Variants in DNAH6 observed in about 807,000 individuals in gnomAD.
The protein encoded by DNAH6 is dynein axonemal heavy chain 6.
A neutral mutation model predicts 491.4 loss-of-function variants in DNAH6; 340 were observed. That is an observed-to-expected ratio of 0.69 (90% CI 0.63 to 0.76). The LOEUF is 0.76. Ranked by LOEUF, DNAH6 falls within the 30% of genes least tolerant of loss-of-function variation. The probability of loss-of-function intolerance (pLI) is 0.00; values close to 1 mark genes in which losing one functional copy is unlikely to be tolerated. For synonymous variants in DNAH6, 1,603 were observed against 1,686.1 expected, an observed-to-expected ratio of 0.95 and a Z score of 1.21; for missense variants, 4,443 against 4,972.2, an observed-to-expected ratio of 0.89 and a Z score of 3.20.
chr2:84,676,770 G>A (rs1693268924), intron 40 of DNAH6, among the ~76,000 whole-genome samples: 1 of 152,200 alleles, frequency 6.6e-6, no homozygotes, highest in East Asian at 1.9e-4. Context: ...CAAAGTAGAT[G>A]AATTAGCTGA....
Position 84,611,736 on chromosome 2 carries a change from C to T in DNAH6, c.3357C>T (p.Asp1119=). The T allele has an allele frequency of 6.4e-7, 1 of 1,551,166 alleles. No homozygotes were observed. The highest frequency in any genetic ancestry group is 1.2e-5 in the South Asian group (1 of 84,022). Residue 1119 remains aspartate, a synonymous_variant, in exon 22 of 77, where the codon GAC becomes GAT. Coordinates refer to ENST00000389394, the MANE Select transcript of DNAH6 (RefSeq NM_001370.2). ...TAGAAAGTATTTTCAATGCTCCAGA[C>T]ATTCAGAGGCAATTGCCTGCAGAGG... ...LYLESIFNAP[D]IQRQLPAEAK...
At chr2:84,714,049 G>T (rs535485862) in intron 57 of DNAH6, among the ~76,000 whole-genome samples, 1 of 152,092 alleles carries the variant, frequency 6.6e-6, no homozygotes, top group African/African-American at 2.4e-5. Flanking sequence ...AAGCTCCCAC[G>T]GGAGTCTCCC....
At position 84,718,203 on chromosome 2, in the gene DNAH6, G is replaced by A. The variant is rs1697737365; in HGVS notation, c.9612-1G>A. On this transcript the variant is annotated splice_acceptor_variant, in intron 58 of 76. Coordinates refer to ENST00000389394, the MANE Select transcript of DNAH6 (RefSeq NM_001370.2). LOFTEE classifies it high-confidence loss of function. ...TTTAGATATCTGAACTTTGGTTTTAGTGATGTGGTGCGACTTGAAAAACCC... is the reference window on the plus strand; with the variant it reads ...TTTAGATATCTGAACTTTGGTTTTAATGATGTGGTGCGACTTGAAAAACCC... The A allele has an allele frequency of 2.0e-6, 3 of 1,515,236 alleles. No individual in the cohort carries two copies. Among genetic ancestry groups the A allele is most frequent in the South Asian group, 2.6e-5 (2 of 77,256 alleles). The allele number at this position is 1,515,236 out of a possible 1,614,324, so 93.9% of individuals were successfully genotyped here.
chr2:84,473,087 G>GT, the DNAH6 span, among the ~76,000 whole-genome samples: 30 of 152,236 alleles, frequency 2.0e-4, no homozygotes, highest in African/African-American at 7.2e-4. Context: ...AGTAAAAAGA[G>GT]TAACGGCCCC....
At chr2:84,479,277 C>T in the DNAH6 span, among the ~76,000 whole-genome samples, 26 of 152,188 alleles carry the variant, frequency 1.7e-4, no homozygotes, top group Non-Finnish European at 1.5e-5. Flanking sequence ...CAGTATTAGA[C>T]TTTTCGGCTT....
At chr2:84,789,849 C>G (rs777584112) in intron 68 of DNAH6, among the ~76,000 whole-genome samples, 13 of 152,072 alleles carry the variant, frequency 8.5e-5, no homozygotes, top group Non-Finnish European at 1.8e-4. Context: ...ATTTGGCTCC[C>G]TCTGACTTCT....
intron 15 of DNAH6, among the ~76,000 whole-genome samples, chr2:84,585,616 G>A (rs1157456473): frequency 6.6e-6 from 1 of 152,092 alleles, no homozygotes; most frequent in Non-Finnish European, 1.5e-5. Flanking sequence ...GGCCTGGAGA[G>A]GGTAGCTCCC....
At chr2:84,511,405 T>C in the DNAH6 span, among the ~76,000 whole-genome samples, 1 of 152,228 alleles carries the variant, frequency 6.6e-6, no homozygotes, top group African/African-American at 2.4e-5. Flanking sequence ...GTGTGCCGTT[T>C]GCTAAGACTG....
intron 70 of DNAH6, 128 bp downstream of exon 70, chr2:84,797,786 C>T: frequency 1.1e-6 from 1 of 873,956 alleles, no homozygotes; most frequent in East Asian, 2.7e-5. Flanking sequence ...ATTGTTTCAC[C>T]TTGACTTCAA....
the DNAH6 span, among the ~76,000 whole-genome samples, chr2:84,471,340 G>T: frequency 6.6e-6 from 1 of 152,158 alleles, no homozygotes. Flanking sequence ...ATTTTTCTTA[G>T]CCCTTATTCA....
chr2:84,690,605 T>G (rs1442174518), intron 45 of DNAH6, among the ~76,000 whole-genome samples: 3 of 152,236 alleles, frequency 2.0e-5, no homozygotes, highest in Admixed American at 6.5e-5. Context: ...CAAGGTTTGC[T>G]TAAAATATTA....
At chr2:84,498,925 G>A in the DNAH6 span, among the ~76,000 whole-genome samples, 2 of 152,010 alleles carry the variant, frequency 1.3e-5, no homozygotes, top group Non-Finnish European at 2.9e-5. Context: ...TTAATGTTGT[G>A]GGTGCATTGT....
At chr2:84,632,903 G>A (rs377376786) in intron 29 of DNAH6, among the ~76,000 whole-genome samples, 25 of 152,172 alleles carry the variant, frequency 1.6e-4, no homozygotes, top group Middle Eastern at 3.4e-3. Flanking sequence ...AAAGTTGCCC[G>A]TTAGTTTATT....
In DNAH6 at chr2:84,557,915, A is replaced by G. The variant is rs746532514; in HGVS notation, c.1783A>G (p.Thr595Ala). ...AVFEDDKNFH[T>A]IISQIKETIQ... ...ATTTGAGGATGATAAGAATTTTCAC[A>G]CAATTATTTCTCAAATAAAGGTATG... Residue 595 changes from threonine to alanine, a missense_variant, in exon 11 of 77, where the codon ACA becomes GCA. By Grantham distance (58) the Thr-to-Ala change is moderately conservative. Coordinates refer to ENST00000389394, the MANE Select transcript of DNAH6 (RefSeq NM_001370.2). 1.2e-6 allele frequency: 2 copies of G among 1,608,806 alleles called. No individual in the cohort carries two copies. The highest frequency in any genetic ancestry group is 1.7e-6 in the Non-Finnish European group (2 of 1,176,554).
At chr2:84,601,068 A>AATAATAACGTT (rs1558778959) in intron 18 of DNAH6, among the ~76,000 whole-genome samples, 9 of 148,854 alleles carry the variant, frequency 6.0e-5, no homozygotes, top group African/African-American at 2.0e-4. Flanking sequence ...ATTATACTAT[A>AATAATAACGTT]AGGAATCCTT....
rs529455266 is a variant in DNAH6 at position 84,673,090 on chromosome 2, C to T, written c.6612+606C>T. 5.3e-5 allele frequency among the ~76,000 whole-genome samples: 8 copies of T among 152,074 alleles called. No individual in the cohort carries two copies. In the East Asian group the frequency reaches 1.5e-3, roughly 29 times the overall value. On this transcript the variant is annotated intron_variant, in intron 40 of 76. Transcript: ENST00000389394. ...AGACAGGAGGGATTCAGGGGTGGGG[C>T]TGGGTTGAGGATGGGAGAAGCCTCC...
At chr2:84,817,892 C>T (rs1247493966) in intron 76 of DNAH6, among the ~76,000 whole-genome samples, 1 of 152,122 alleles carries the variant, frequency 6.6e-6, no homozygotes, top group Admixed American at 6.5e-5. Context: ...ACAGCTCACC[C>T]CCCATTCCAA....
Position 84,813,977 on chromosome 2 carries a change from TTCAAAA to T in DNAH6, c.12009_12014del (p.Gln4003_Asn4004del). The T allele has an allele frequency of 6.4e-7, 1 of 1,551,734 alleles. No homozygotes were observed. Among genetic ancestry groups the T allele is most frequent in the Non-Finnish European group, 8.7e-7 (1 of 1,146,984 alleles). ...CCGATTTTCACAATTACAGGAACTC[TTCAAAA>T]TCATGCTCGAAAATACAATTTGCCT... On this transcript the variant is annotated inframe_deletion, in exon 75 of 77. Coordinates refer to ENST00000389394, the MANE Select transcript of DNAH6 (RefSeq NM_001370.2).
At position 84,642,014 on chromosome 2, in the gene DNAH6, A is replaced by G. The variant is rs1174702203; in HGVS notation, c.5038A>G (p.Asn1680Asp). ...GTTGATAAGAGCTTTACAAGACTCC[A>G]ATTTGCCAAAATTTCTAACAGATGA... ...VVLIRALQDS[N>D]LPKFLTDDAL... Residue 1680 changes from asparagine to aspartate, a missense_variant, in exon 33 of 77, where the codon AAT (asparagine) becomes GAT (aspartate). Coordinates refer to ENST00000389394, the MANE Select transcript of DNAH6 (RefSeq NM_001370.2). 12 of 1,551,058 alleles carry G rather than the reference A, an allele frequency of 7.7e-6. No individual in the cohort carries two copies. In the East Asian group the frequency reaches 2.0e-4, roughly 25 times the overall value.
Sources: gnomAD v4.1 joint callset for allele counts (sites outside exome capture counted in the v4.1 genomes callset) on GRCh38, gnomAD v4.1.1 for gene constraint, MANE v1.5 for transcripts, NCBI Gene and HGNC (gene_info 2026-07-23, HGNC 2026-07-21) for gene names.